The following HOXA3 variants were observed in gnomAD, a reference collection of about 807,000 sequenced individuals.
HOXA3 encodes homeobox A3, also known as homeobox protein Hox-A3.
HOXA3 carries 8 observed loss-of-function variants against 30.3 expected under a neutral mutation model. The ratio of observed to expected loss-of-function variants is 0.26; its 90% CI spans 0.15 to 0.48. The LOEUF (loss-of-function observed/expected upper bound fraction) is 0.48. Ranked by LOEUF, HOXA3 falls within the 20% of genes least tolerant of loss-of-function variation. The probability of loss-of-function intolerance (pLI) is 0.99; values close to 1 mark genes in which losing one functional copy is unlikely to be tolerated. For synonymous variants in HOXA3, 323 were observed against 273.1 expected, an observed-to-expected ratio of 1.18 and a Z score of -1.80; for missense variants, 653 against 614.4, an observed-to-expected ratio of 1.06 and a Z score of -0.66.
At chr7:27,114,647 G>C (rs994125372) in intron 4 of HOXA3, among the ~76,000 whole-genome samples, 5 of 147,664 alleles carry the variant, frequency 3.4e-5, no homozygotes, top group Non-Finnish European at 7.4e-5. Context: ...TAGAAACGCG[G>C]ATCTCCAGGG....
chr7:27,107,388 T>G lies in HOXA3; in HGVS notation c.*527A>C, dbSNP rs761556113. 6.6e-6 allele frequency: 1 copy of G among 152,064 alleles called. No homozygotes were observed. The highest frequency in any genetic ancestry group is 1.5e-5 in the Non-Finnish European group (1 of 68,044). The allele number at this position is 152,064 out of a possible 1,614,324, so 9.4% of individuals were successfully genotyped here. A position where few individuals can be genotyped will look rare whatever the true frequency, so the allele number is the denominator to read the frequency against. The stretch of plus-strand genomic sequence containing the variant: ...ATGCTTGCAAAAAAATATAAATAAA[T>G]CTGACTGTTCACCAGCATACACACA... On this transcript the variant is annotated 3_prime_UTR_variant, in exon 6 of 6. Coordinates refer to ENST00000612286, the MANE Select transcript of HOXA3 (RefSeq NM_153631.3).
chr7:27,132,581 A>G (rs1442021323), intron 2 of HOXA3, among the ~76,000 whole-genome samples: 1 of 152,236 alleles, frequency 6.6e-6, no homozygotes, highest in Non-Finnish European at 1.5e-5. Context: ...AGTGCTGTCC[A>G]TTCACATGAG....
intron 1 of HOXA3, among the ~76,000 whole-genome samples, chr7:27,146,785 G>C (rs1215935647): frequency 6.6e-6 from 1 of 152,210 alleles, no homozygotes; most frequent in Non-Finnish European, 1.5e-5. Flanking sequence ...GGAGATGAGG[G>C]AGGAGAGAGA....
chr7:27,107,646 T>C lies in HOXA3; in HGVS notation c.*269A>G, dbSNP rs1289600272. The C allele has an allele frequency of 1.3e-5, 5 of 379,854 alleles. No individual in the cohort carries two copies. Among genetic ancestry groups the C allele is most frequent in the Non-Finnish European group, 2.3e-5 (5 of 213,986 alleles). The allele number at this position is 379,854 out of a possible 1,614,324, so 23.5% of individuals were successfully genotyped here. On this transcript the variant is annotated 3_prime_UTR_variant, in exon 6 of 6. Coordinates refer to ENST00000612286, the MANE Select transcript of HOXA3 (RefSeq NM_153631.3). The stretch of plus-strand genomic sequence containing the variant: ...ATCAAAGAGTGGAGAAGGTAAAGGG[T>C]GCAGGGCCAGTGGCCTATCGAGGAG...
At position 27,147,458 on chromosome 7, in the gene HOXA3, C is replaced by G. The variant is rs900226937; in HGVS notation, c.-494+4830G>C. 17 of 1,614,086 alleles carry G rather than the reference C, an allele frequency of 1.1e-5. No individual in the cohort carries two copies. The Admixed American group carries it at 2.5e-4, about 24-fold the overall frequency. ...GAAAAGTGCAGGTAGTCCCCGGGGC[C>G]CCTCTGCTTGCCACTGCCCGAGGGC... On this transcript the variant is annotated intron_variant, in intron 1 of 5. Transcript: ENST00000612286.
chr7:27,129,664 C>A, intron 2 of HOXA3: 1 of 1,327,742 alleles, frequency 7.5e-7, no homozygotes. Context: ...TGGGGAAGAG[C>A]AATTGGACAT....
chr7:27,143,817 C>T (rs1283811761), intron 1 of HOXA3: 17 of 898,632 alleles, frequency 1.9e-5, no homozygotes, highest in Non-Finnish European at 2.6e-5. Context: ...GAGGTAAACT[C>T]GTGCACTAAT....
Position 27,108,348 on chromosome 7 carries a change from G to C in HOXA3, c.899C>G (p.Pro300Arg), listed in dbSNP as rs150165110. 2 of 1,519,256 alleles carry C rather than the reference G, an allele frequency of 1.3e-6. No individual in the cohort carries two copies. Among genetic ancestry groups the C allele is most frequent in the Non-Finnish European group, 1.8e-6 (2 of 1,118,354 alleles). The allele number at this position is 1,519,256 out of a possible 1,614,324, so 94.1% of individuals were successfully genotyped here. Residue 300 changes from proline to arginine, a missense_variant, in exon 6 of 6, where the codon CCC becomes CGC. Physicochemically the swap from Pro to Arg is moderately radical, Grantham distance 103. Transcript: ENST00000612286. This position sits in a 1 kb window ranked among gnomAD's most constrained non-coding sequence, Gnocchi z 5.0. ...EPQSPPPFSK[P>R]PQGTYGLPPA... Reference sequence around the variant, plus strand: ...GGGCAGCCCGTAGGTACCCTGGGGGGGCTTGGAGAAGGGCGGGGGCGACTG... The same window carrying C: ...GGGCAGCCCGTAGGTACCCTGGGGGCGCTTGGAGAAGGGCGGGGGCGACTG...
chr7:27,107,932 T>G lies in HOXA3; in HGVS notation c.1315A>C (p.Lys439Gln). ...GCCCACTATCACAGGTGGGTGAGCTTGGGTGCTTCCTGAATTCTTCCCTGA... is the reference window on the plus strand; with the variant it reads ...GCCCACTATCACAGGTGGGTGAGCTGGGGTGCTTCCTGAATTCTTCCCTGA... ...PSQGRIQEAP[K>Q]LTHL The change falls in exon 6 of 6, where the codon AAG (lysine) becomes CAG (glutamine). Residue 439 changes from lysine (K) to glutamine (Q), a missense_variant. Coordinates refer to ENST00000612286, the MANE Select transcript of HOXA3 (RefSeq NM_153631.3). 1 of 1,579,736 alleles carries G rather than the reference T, an allele frequency of 6.3e-7. No homozygotes were observed. The highest frequency in any genetic ancestry group is 8.7e-7 in the Non-Finnish European group (1 of 1,155,842).
chr7:27,110,610 C>A lies in HOXA3; in HGVS notation c.31G>T (p.Ala11Ser), dbSNP rs1399554991. ...TGGTAGGGGTAGCCACCGTAGATCG[C>A]CGAGCTGTCGTAGTAGGTCGCTTTT... MQKATYYDSS[A>S]IYGGYPYQAA... The change falls in exon 5 of 6, where the codon GCG (alanine) becomes TCG (serine). Residue 11 changes from alanine to serine, a missense_variant. Coordinates refer to ENST00000612286, the MANE Select transcript of HOXA3 (RefSeq NM_153631.3). 5.0e-6 allele frequency: 8 copies of A among 1,607,234 alleles called. No homozygotes were observed. Among genetic ancestry groups the A allele is most frequent in the East Asian group, 2.2e-5 (1 of 44,616 alleles).
intron 4 of HOXA3, among the ~76,000 whole-genome samples, chr7:27,120,170 T>C (rs1784934076): frequency 6.6e-6 from 1 of 152,062 alleles, no homozygotes; most frequent in Non-Finnish European, 1.5e-5. Context: ...CCCCCAAGTT[T>C]CTGAAGAGGC....
In HOXA3 at chr7:27,110,262, G is replaced by C. The variant is rs1340431719; in HGVS notation, c.379C>G (p.Pro127Ala). 3.3e-5 allele frequency: 54 copies of C among 1,613,346 alleles called. No homozygotes were observed. The highest frequency in any genetic ancestry group is 4.5e-5 in the Non-Finnish European group (53 of 1,179,662). ...GGGTTGTTGCTGGCATTCTGAGGAG[G>C]GGAGGCAGAAGAGGGAGGCGGGGGC... Reference protein sequence around the residue: ...AAPPPPSSASPPQNASNNPTP... With the variant: ...AAPPPPSSASAPQNASNNPTP... The change falls in exon 5 of 6, where the codon CCT (proline) becomes GCT (alanine). Residue 127 changes from proline (P) to alanine (A), a missense_variant. Physicochemically the swap from Pro to Ala is conservative, Grantham distance 27. Transcript: ENST00000612286.
At position 27,139,186 on chromosome 7, in the gene HOXA3, G is replaced by A. The variant is rs17500828; in HGVS notation, c.-390+897C>T. Among the ~76,000 whole-genome samples the A allele has an allele frequency of 3.2e-3, 492 of 152,330 alleles. 2 individuals carry two copies. Among genetic ancestry groups the A allele is most frequent in the African/African-American group, 0.011 (465 of 41,576 alleles). Reference sequence around the variant, plus strand: ...TTTAACCCCTTTCAATTAGCCTGGGGATTCAAAGACTAAAGTTAAATCCGG... The same window carrying A: ...TTTAACCCCTTTCAATTAGCCTGGGAATTCAAAGACTAAAGTTAAATCCGG... On this transcript the variant is annotated intron_variant, in intron 2 of 5. Transcript: ENST00000612286.
intron 4 of HOXA3, among the ~76,000 whole-genome samples, chr7:27,118,578 G>T (rs1025393223): frequency 6.6e-6 from 1 of 152,196 alleles, no homozygotes; most frequent in African/African-American, 2.4e-5. Context: ...ATCCTCCCAT[G>T]AATGCCATAT....
At chr7:27,145,452 GTTTTGTTTT>G (rs57597094) in intron 1 of HOXA3, 264,441 of 557,424 alleles carry the variant, frequency 0.47, 63,523 homozygotes, top group Middle Eastern at 0.51. Flanking sequence ...GTGAGGTTTT[GTTTTGTTTT>G]GTTTTGTTTT....
Position 27,145,931 on chromosome 7 carries a change from CG to C in HOXA3, c.-493-5746del, listed in dbSNP as rs1277427044. 5.0e-6 allele frequency: 8 copies of C among 1,607,714 alleles called. No individual in the cohort carries two copies. In the African/African-American group the frequency reaches 5.3e-5, roughly 11 times the overall value. ...CATACACAGCACCTACGAGCAGAAA[CG>C]GCCGGGCGCCGGTAAGCCAGGGCCT... On this transcript the variant is annotated intron_variant, in intron 1 of 5. Coordinates refer to ENST00000612286, the MANE Select transcript of HOXA3 (RefSeq NM_153631.3).
Position 27,107,768 on chromosome 7 carries a change from A to C in HOXA3, c.*147T>G. On this transcript the variant is annotated 3_prime_UTR_variant, in exon 6 of 6. Coordinates refer to ENST00000612286, the MANE Select transcript of HOXA3 (RefSeq NM_153631.3). ...AAACGCCTTACCAACGAGGGGGGAA[A>C]CCGGGAAACGGAGTGCGGGGCGGAG... The C allele has an allele frequency of 3.6e-6, 2 of 557,086 alleles. No homozygotes were observed. Among genetic ancestry groups the C allele is most frequent in the Non-Finnish European group, 6.0e-6 (2 of 332,774 alleles). 34.5% of individuals were successfully genotyped at this position (557,086 alleles called of 1,614,324 possible). A position where few individuals can be genotyped will look rare whatever the true frequency, so the allele number is the denominator to read the frequency against.
Position 27,107,816 on chromosome 7 carries a change from A to G in HOXA3, c.*99T>C. On this transcript the variant is annotated 3_prime_UTR_variant, in exon 6 of 6. Coordinates refer to ENST00000612286, the MANE Select transcript of HOXA3 (RefSeq NM_153631.3). ...GAGAAGAGAGAAAAGGAAGGAAGGAAAGGGCAGGAAGAACCTAAAAAAAAA... is the reference window on the plus strand; with the variant it reads ...GAGAAGAGAGAAAAGGAAGGAAGGAGAGGGCAGGAAGAACCTAAAAAAAAA... The G allele has an allele frequency of 2.5e-6, 2 of 790,274 alleles. No individual in the cohort carries two copies. Among genetic ancestry groups the G allele is most frequent in the Non-Finnish European group, 3.8e-6 (2 of 523,938 alleles). 49.0% of individuals were successfully genotyped at this position (790,274 alleles called of 1,614,324 possible). A position where few individuals can be genotyped will look rare whatever the true frequency, so the allele number is the denominator to read the frequency against.
intron 3 of HOXA3, chr7:27,123,666 A>C (rs1166377759): frequency 1.3e-5 from 2 of 152,510 alleles, no homozygotes; most frequent in African/African-American, 4.8e-5. Flanking sequence ...CCTGCCCCAA[A>C]CCAGCCCTCC....
Sources: gnomAD v4.1 joint callset for allele counts (sites outside exome capture counted in the v4.1 genomes callset) on GRCh38, gnomAD v4.1.1 for gene constraint, Gnocchi (gnomAD v3.1) non-coding constraint, MANE v1.5 for transcripts, NCBI Gene and HGNC (gene_info 2026-07-23, HGNC 2026-07-21) for gene names.